Variants in CDK5RAP2 observed in about 807,000 individuals in gnomAD.
The protein encoded by CDK5RAP2 is CDK5 regulatory subunit-associated protein 2.
Under a neutral mutation model 232.9 loss-of-function variants are expected in CDK5RAP2, and 147 were observed. The observed-to-expected ratio is 0.63, with a 90% CI of 0.55 to 0.72. The LOEUF (loss-of-function observed/expected upper bound fraction) is 0.72, where lower values mean the gene tolerates loss of function less well. CDK5RAP2 is among the 30% of genes least tolerant of loss of function. The pLI is 0.00. For missense variants in CDK5RAP2, 2,195 were observed against 2,231.5 expected (o/e 0.98, Z 0.33); for synonymous variants, 833 against 833.7 (o/e 1.00, Z 0.01).
At chr9:120,425,915 C>CACACT (rs1328733422) in intron 25 of CDK5RAP2, among the ~76,000 whole-genome samples, 2 of 152,218 alleles carry the variant, frequency 1.3e-5, no homozygotes, top group African/African-American at 2.4e-5. Flanking sequence ...AACTGCACTA[C>CACACT]ACACTGTGAT....
intron 3 of CDK5RAP2, among the ~76,000 whole-genome samples, chr9:120,565,924 C>T (rs2042630752): frequency 6.6e-6 from 1 of 152,182 alleles, no homozygotes; most frequent in South Asian, 2.1e-4. Flanking sequence ...TGCAGATTCC[C>T]CCTGGCAGAG....
intron 12 of CDK5RAP2, among the ~76,000 whole-genome samples, chr9:120,509,019 C>T (rs1399256721): frequency 6.6e-6 from 1 of 152,144 alleles, no homozygotes; most frequent in East Asian, 1.9e-4. Flanking sequence ...ATGGAGATTA[C>T]AGCAATTCCA....
chr9:120,477,307 G>T, intron 15 of CDK5RAP2, 43 bp downstream of exon 15: 2 of 1,358,910 alleles, frequency 1.5e-6, no homozygotes, highest in Non-Finnish European at 2.1e-6. Context: ...GCATGTGTGT[G>T]TGTTCGCATT....
At chr9:120,554,573 G>A (rs2042156022) in intron 3 of CDK5RAP2, among the ~76,000 whole-genome samples, 1 of 152,164 alleles carries the variant, frequency 6.6e-6, no homozygotes, top group Admixed American at 6.6e-5. Flanking sequence ...AATCTCATAG[G>A]TTTTTGAGAG....
intron 17 of CDK5RAP2, 50 bp from the exon 18 acceptor site, chr9:120,468,047 GCTTCCCAGGGCCGCAGCCCCAGACAGCC>G (rs1330735864): frequency 6.2e-7 from 1 of 1,602,126 alleles, no homozygotes; most frequent in East Asian, 2.2e-5. Context: ...AGAGACTTCA[GCTTCCCAGGGCCGCAGCCCCAGACAGCC>G]CTATCAAGCG....
chr9:120,419,771 A>G lies in CDK5RAP2; in HGVS notation c.4177+17T>C. ...TAATCAGGCCATGTTTAAAACACTT[A>G]ATGAGGCTTAGCTTACCTTGAGAAA... On this transcript the variant is annotated intron_variant, in intron 27 of 37. Coordinates refer to ENST00000349780, the MANE Select transcript of CDK5RAP2 (RefSeq NM_018249.6). 6.3e-7 allele frequency: 1 copy of G among 1,599,640 alleles called. No homozygotes were observed. The highest frequency in any genetic ancestry group is 8.6e-7 in the Non-Finnish European group (1 of 1,166,902).
At chr9:120,568,638 G>A (rs564730727) in intron 2 of CDK5RAP2, among the ~76,000 whole-genome samples, 1 of 152,228 alleles carries the variant, frequency 6.6e-6, no homozygotes, top group South Asian at 2.1e-4. Flanking sequence ...AACACATCAG[G>A]CATTTTGCAA....
At chr9:120,511,728 C>T (rs2040094839) in intron 12 of CDK5RAP2, among the ~76,000 whole-genome samples, 1 of 143,768 alleles carries the variant, frequency 7.0e-6, no homozygotes, top group East Asian at 2.2e-4. Context: ...AAGGATATCA[C>T]AACATGCTTT....
intron 1 of CDK5RAP2, among the ~76,000 whole-genome samples, chr9:120,573,678 T>C (rs1425503514): frequency 1.3e-5 from 2 of 152,158 alleles, no homozygotes; most frequent in African/African-American, 4.8e-5. Flanking sequence ...CTCAAGTCCA[T>C]TTTGGAAATA....
intron 28 of CDK5RAP2, among the ~76,000 whole-genome samples, chr9:120,412,607 G>A (rs1210392469): frequency 6.6e-6 from 1 of 152,212 alleles, no homozygotes; most frequent in Non-Finnish European, 1.5e-5. Flanking sequence ...TGCTGTCACT[G>A]AGCCATAAAC....
At chr9:120,487,039 C>T (rs1273049486) in intron 14 of CDK5RAP2, among the ~76,000 whole-genome samples, 3 of 152,174 alleles carry the variant, frequency 2.0e-5, no homozygotes, top group African/African-American at 4.8e-5. Flanking sequence ...GAGGTGAGCC[C>T]TGATAGAGCA....
At chr9:120,389,984 A>C in intron 36 of CDK5RAP2, 197 bp from the exon 37 acceptor site, 1 of 619,030 alleles carries the variant, frequency 1.6e-6, no homozygotes, top group Non-Finnish European at 3.0e-6. Flanking sequence ...CAAATAACGC[A>C]TCAACAACAC....
At chr9:120,429,971 T>C (rs1168595804) in intron 25 of CDK5RAP2, among the ~76,000 whole-genome samples, 2 of 152,148 alleles carry the variant, frequency 1.3e-5, no homozygotes, top group Admixed American at 6.5e-5. Context: ...TCTACAACTA[T>C]CTGATCTTTG....
chr9:120,393,212 C>CT (rs2032153849), intron 36 of CDK5RAP2, among the ~76,000 whole-genome samples: 1 of 152,138 alleles, frequency 6.6e-6, no homozygotes, highest in Admixed American at 6.5e-5. Flanking sequence ...ATGCACTCAG[C>CT]ACATCGTCCT....
At chr9:120,448,981 C>T (rs997221734) in intron 21 of CDK5RAP2, among the ~76,000 whole-genome samples, 2 of 152,138 alleles carry the variant, frequency 1.3e-5, no homozygotes, top group African/African-American at 4.8e-5. Context: ...CACGCTACAG[C>T]AAAAAGACAA....
intron 32 of CDK5RAP2, among the ~76,000 whole-genome samples, chr9:120,405,778 C>T (rs1588245828): frequency 6.6e-6 from 1 of 152,164 alleles, no homozygotes. Flanking sequence ...TCAGAGACCA[C>T]TTTAATAAAT....
chr9:120,450,014 G>A (rs1483854483), intron 21 of CDK5RAP2, among the ~76,000 whole-genome samples: 2 of 151,992 alleles, frequency 1.3e-5, no homozygotes, highest in Non-Finnish European at 2.9e-5. Flanking sequence ...TCTACTCCTA[G>A]GTATATACTC....
At chr9:120,525,625 T>C (rs150990299) in intron 10 of CDK5RAP2, among the ~76,000 whole-genome samples, 485 of 152,126 alleles carry the variant, frequency 3.2e-3, no homozygotes, top group Non-Finnish European at 5.1e-3. Flanking sequence ...TTGACTTTTT[T>C]TTTTTCCTTT....
At position 120,439,580 on chromosome 9, in the gene CDK5RAP2, T is replaced by C. The variant is rs1336166402; in HGVS notation, c.3541A>G (p.Lys1181Glu). ...FSSLHQVRYV[K>E]HVKILGPLAP... ...AGCGGACCGAGGATTTTCACGTGTT[T>C]CACGTATCGCACTTGGTGCAAACTT... The change falls in exon 24 of 38, where the codon AAA (lysine) becomes GAA (glutamate). Residue 1181 changes from lysine to glutamate, a missense_variant. Transcript: ENST00000349780. 6.2e-7 allele frequency: 1 copy of C among 1,614,210 alleles called. No homozygotes were observed. Among genetic ancestry groups the C allele is most frequent in the East Asian group, 2.2e-5 (1 of 44,876 alleles).
Sources: gnomAD v4.1 joint callset for allele counts (sites outside exome capture counted in the v4.1 genomes callset) on GRCh38, gnomAD v4.1.1 for gene constraint, MANE v1.5 for transcripts, NCBI Gene and HGNC (gene_info 2026-07-23, HGNC 2026-07-21) for gene names.